The following FGF14 variants were observed in gnomAD, a reference collection of about 807,000 sequenced individuals.
FGF14 encodes the protein fibroblast growth factor homologous factor 4.
FGF14 carries 5 observed loss-of-function variants against 25.5 expected under a neutral mutation model. The observed-to-expected ratio is 0.20, with a 90% CI of 0.10 to 0.41. The LOEUF is 0.41. Among genes scored for constraint, FGF14 ranks in the 10% least tolerant of loss-of-function variants. The pLI, the probability that FGF14 is intolerant of heterozygous loss-of-function variation, is 1.00. For synonymous variants in FGF14, 138 were observed against 118.3 expected (o/e 1.17, Z -1.08); for missense variants, 222 against 320.1 (o/e 0.69, Z 2.34).
At chr13:101,946,386 A>G (rs2035809479) in intron 1 of FGF14, among the ~76,000 whole-genome samples, 1 of 148,702 alleles carries the variant, frequency 6.7e-6, no homozygotes, top group Non-Finnish European at 1.5e-5. Flanking sequence ...AAAAAAAAAG[A>G]GGCTGAGTCC....
intron 1 of FGF14, among the ~76,000 whole-genome samples, chr13:101,975,261 C>A (rs571454084): frequency 4.0e-4 from 61 of 152,258 alleles, no homozygotes; most frequent in Non-Finnish European, 4.1e-4. Context: ...CCCCACAGGG[C>A]CCAGCTGCTT....
chr13:102,069,986 G>C (rs1398222054), intron 1 of FGF14, among the ~76,000 whole-genome samples: 1 of 152,264 alleles, frequency 6.6e-6, no homozygotes. Context: ...GATTTCTTGA[G>C]CAATACCTTA....
At chr13:101,859,836 C>T (rs2044318384) in intron 3 of FGF14, among the ~76,000 whole-genome samples, 1 of 152,032 alleles carries the variant, frequency 6.6e-6, no homozygotes, top group South Asian at 2.1e-4. Context: ...CTCCTCTAAC[C>T]CAGAAATGGA....
chr13:102,137,548 T>C (rs566299332), intron 1 of FGF14, among the ~76,000 whole-genome samples: 1 of 152,298 alleles, frequency 6.6e-6, no homozygotes, highest in Admixed American at 6.5e-5. Flanking sequence ...TTAAGCTTGG[T>C]GCAACCCAAG....
At chr13:101,856,231 T>C (rs1194360761) in intron 3 of FGF14, among the ~76,000 whole-genome samples, 1 of 151,814 alleles carries the variant, frequency 6.6e-6, no homozygotes, top group Admixed American at 6.6e-5. Flanking sequence ...AGGTAAAAAT[T>C]GTCTAGACAA....
chr13:102,210,779 C>T (rs7982856), intron 1 of FGF14, among the ~76,000 whole-genome samples: 115,696 of 152,114 alleles, frequency 0.76, 44,066 homozygotes, highest in East Asian at 0.85. Flanking sequence ...ATTAAAACCA[C>T]GTAGGACAGA....
intron 1 of FGF14, among the ~76,000 whole-genome samples, chr13:101,915,479 T>C (rs906245417): frequency 1.3e-5 from 2 of 152,092 alleles, no homozygotes; most frequent in Admixed American, 6.5e-5. Flanking sequence ...AAGCCAGCAA[T>C]GCCCATTTCC....
intron 1 of FGF14, among the ~76,000 whole-genome samples, chr13:102,016,618 A>G (rs1285754595): frequency 2.6e-5 from 4 of 152,166 alleles, no homozygotes; most frequent in Admixed American, 6.5e-5. Context: ...ACATCATGAC[A>G]AATGATACAA....
At chr13:102,160,912 A>C (rs1200436111) in intron 1 of FGF14, among the ~76,000 whole-genome samples, 3 of 152,134 alleles carry the variant, frequency 2.0e-5, no homozygotes, top group Non-Finnish European at 4.4e-5. Flanking sequence ...TTGAATTACA[A>C]CTCAACGGAA....
chr13:102,244,767 G>A (rs2051776518), intron 1 of FGF14, among the ~76,000 whole-genome samples: 1 of 152,006 alleles, frequency 6.6e-6, no homozygotes, highest in Non-Finnish European at 1.5e-5. Context: ...AAGAAACTGT[G>A]CTCCATCCCA....
At chr13:102,187,841 C>T (rs1159104483) in intron 1 of FGF14, among the ~76,000 whole-genome samples, 1 of 152,104 alleles carries the variant, frequency 6.6e-6, no homozygotes, top group Non-Finnish European at 1.5e-5. Context: ...AACAAATAGA[C>T]CCCCAGGTCT....
chr13:101,951,629 G>C (rs2036173735), intron 1 of FGF14, among the ~76,000 whole-genome samples: 1 of 152,060 alleles, frequency 6.6e-6, no homozygotes, highest in African/African-American at 2.4e-5. Flanking sequence ...ATGACTACTT[G>C]AGCTTGTTGA....
At chr13:102,369,948 C>T (rs932480028) in intron 1 of FGF14, among the ~76,000 whole-genome samples, 8 of 152,206 alleles carry the variant, frequency 5.3e-5, no homozygotes, top group African/African-American at 1.9e-4. Flanking sequence ...ATTTGGTCTG[C>T]CTCAGAATTA....
intron 1 of FGF14, among the ~76,000 whole-genome samples, chr13:102,143,560 T>C (rs2046734857): frequency 6.6e-6 from 1 of 152,182 alleles, no homozygotes; most frequent in Admixed American, 6.6e-5. Context: ...CACTTGTTTT[T>C]CGTCTTGTGC....
chr13:102,165,258 G>A lies in FGF14; in HGVS notation c.208+236213C>T, dbSNP rs542355402. Among the ~76,000 whole-genome samples, 68 of 152,074 alleles carry A rather than the reference G, an allele frequency of 4.5e-4. No individual in the cohort carries two copies. In the South Asian group the frequency reaches 0.012, roughly 26 times the overall value. Reference sequence around the variant, plus strand: ...CAACCATTGTGGAAGTCAGTGTGGCGATTCCTCAGGGATCTAGAACTAGAA... The same window carrying A: ...CAACCATTGTGGAAGTCAGTGTGGCAATTCCTCAGGGATCTAGAACTAGAA... On this transcript the variant is annotated intron_variant, in intron 1 of 4. Coordinates refer to the FGF14 transcript ENST00000376131.
intron 1 of FGF14, among the ~76,000 whole-genome samples, chr13:102,256,982 T>G (rs1466942955): frequency 6.6e-6 from 1 of 152,186 alleles, no homozygotes; most frequent in Non-Finnish European, 1.5e-5. Context: ...CACATGGAAT[T>G]AACACGTTTC....
intron 3 of FGF14, among the ~76,000 whole-genome samples, chr13:101,850,122 A>T (rs1166833443): frequency 6.6e-6 from 1 of 150,952 alleles, no homozygotes; most frequent in African/African-American, 2.4e-5. Context: ...ATAAATTCTA[A>T]CTCAAGTGGA....
At chr13:102,027,698 T>C (rs2041001370) in intron 1 of FGF14, among the ~76,000 whole-genome samples, 1 of 152,076 alleles carries the variant, frequency 6.6e-6, no homozygotes, top group African/African-American at 2.4e-5. Flanking sequence ...TCTTGTTTGC[T>C]AACTATAGCC....
intron 1 of FGF14, among the ~76,000 whole-genome samples, chr13:102,357,625 T>C (rs1469307149): frequency 6.6e-6 from 1 of 152,152 alleles, no homozygotes; most frequent in Non-Finnish European, 1.5e-5. Flanking sequence ...TTCAATTCCA[T>C]AGCCTATAAA....
Sources: allele counts gnomAD v4.1 joint callset (sites outside exome capture counted in the v4.1 genomes callset), GRCh38; gene constraint gnomAD v4.1.1; transcripts MANE v1.5; gene names NCBI Gene and HGNC (gene_info 2026-07-23, HGNC 2026-07-21).